RIN3: variants seen among roughly 807,000 people sequenced by gnomAD.
RIN3 encodes the protein RAB5 interacting protein 3.
RIN3 carries 54 observed loss-of-function variants against 76.3 expected under a neutral mutation model. That is an observed-to-expected ratio of 0.71 (90% confidence interval 0.57 to 0.89). RIN3 has a LOEUF of 0.89. Among genes scored for constraint, RIN3 ranks in the 40% least tolerant of loss-of-function variants. The pLI, the probability that RIN3 is intolerant of heterozygous loss-of-function variation, is 0.00. For synonymous variants in RIN3, 576 were observed against 564.0 expected (o/e 1.02, Z -0.30); for missense variants, 1,256 against 1,322.1 (o/e 0.95, Z 0.78).
At chr14:92,601,820 G>C (rs1885355874) in intron 3 of RIN3, among the ~76,000 whole-genome samples, 2 of 152,112 alleles carry the variant, frequency 1.3e-5, no homozygotes. Context: ...CCTGACACTT[G>C]GCAATTTGCA....
intron 3 of RIN3, among the ~76,000 whole-genome samples, chr14:92,600,710 C>T: frequency 6.6e-6 from 1 of 152,350 alleles, no homozygotes; most frequent in Non-Finnish European, 1.5e-5. Context: ...TGCCGGTTCA[C>T]TCAAGGAGCA....
chr14:92,587,937 C>T (rs943300050), intron 3 of RIN3, among the ~76,000 whole-genome samples: 1 of 152,166 alleles, frequency 6.6e-6, no homozygotes, highest in South Asian at 2.1e-4. Context: ...AGCAGGTTCT[C>T]TTGTCTAGTG....
At chr14:92,608,387 TTAAA>T (rs1267347482) in intron 3 of RIN3, among the ~76,000 whole-genome samples, 3 of 152,234 alleles carry the variant, frequency 2.0e-5, no homozygotes, top group East Asian at 1.9e-4. Context: ...ATTAATGCAA[TTAAA>T]TAAATATTTG....
At chr14:92,580,178 G>T (rs1898391550) in intron 3 of RIN3, among the ~76,000 whole-genome samples, 1 of 152,222 alleles carries the variant, frequency 6.6e-6, no homozygotes, top group African/African-American at 2.4e-5. Flanking sequence ...AGATTGACCT[G>T]GCCAACATGG....
At chr14:92,613,954 C>T (rs540737799) in intron 3 of RIN3, among the ~76,000 whole-genome samples, 2 of 152,280 alleles carry the variant, frequency 1.3e-5, no homozygotes, top group East Asian at 3.9e-4. Flanking sequence ...GGGGCAGGTG[C>T]CTGTGGGGCA....
At chr14:92,687,592 A>C in intron 9 of RIN3, 1 of 363,748 alleles carries the variant, frequency 2.7e-6, no homozygotes, top group East Asian at 6.6e-5. Flanking sequence ...CAGGGAACTC[A>C]CCTGGAGGGA....
chr14:92,573,611 A>G (rs955187283), intron 2 of RIN3, among the ~76,000 whole-genome samples: 1 of 152,218 alleles, frequency 6.6e-6, no homozygotes, highest in Admixed American at 6.5e-5. Context: ...GGTAAGATCA[A>G]AAGGGGCTCA....
intron 2 of RIN3, among the ~76,000 whole-genome samples, chr14:92,572,522 G>A (rs1382855451): frequency 6.6e-6 from 1 of 152,164 alleles, no homozygotes; most frequent in South Asian, 2.1e-4. Flanking sequence ...GTTAATAACC[G>A]CCTGCCCATC....
intron 2 of RIN3, among the ~76,000 whole-genome samples, chr14:92,573,873 G>A (rs1432654150): frequency 6.6e-6 from 1 of 152,176 alleles, no homozygotes; most frequent in Admixed American, 6.5e-5. Flanking sequence ...TTCAATTTCA[G>A]GTGAATGCAC....
chr14:92,631,851 A>G (rs1462324951), intron 4 of RIN3, among the ~76,000 whole-genome samples: 1 of 152,002 alleles, frequency 6.6e-6, no homozygotes, highest in Admixed American at 6.6e-5. Context: ...TGTTCTGCCC[A>G]CCTCAGCCTC....
intron 8 of RIN3, 81 bp from the exon 9 acceptor site, chr14:92,684,906 G>GGTGGGCGGGGCTTGGAGGAA: frequency 2.8e-6 from 4 of 1,453,012 alleles, no homozygotes; most frequent in Admixed American, 1.8e-5. Context: ...GCTTGGAGGA[G>GGTGGGCGGGGCTTGGAGGAA]GTGGGTGGGG....
intron 7 of RIN3, among the ~76,000 whole-genome samples, chr14:92,672,094 G>A (rs1802440258): frequency 6.6e-6 from 1 of 152,174 alleles, no homozygotes; most frequent in South Asian, 2.1e-4. Context: ...AAAGTCAGGA[G>A]TGCTGTTACT....
chr14:92,584,789 T>C (rs923743461), intron 3 of RIN3, among the ~76,000 whole-genome samples: 1 of 152,196 alleles, frequency 6.6e-6, no homozygotes, highest in Non-Finnish European at 1.5e-5. Context: ...TGATGGGCTT[T>C]GAAGATGGTG....
intron 7 of RIN3, among the ~76,000 whole-genome samples, chr14:92,660,826 G>A (rs1290363773): frequency 6.6e-6 from 1 of 152,214 alleles, no homozygotes; most frequent in African/African-American, 2.4e-5. Flanking sequence ...GACAAGAACA[G>A]GCATCACTGC....
intron 1 of RIN3, among the ~76,000 whole-genome samples, chr14:92,539,574 G>A (rs940986794): frequency 2.0e-5 from 3 of 152,164 alleles, no homozygotes; most frequent in Non-Finnish European, 4.4e-5. Flanking sequence ...ATGCAGTACC[G>A]GGGACAGGAT....
intron 1 of RIN3, among the ~76,000 whole-genome samples, chr14:92,552,738 T>C (rs1006715892): frequency 6.6e-6 from 1 of 152,024 alleles, no homozygotes; most frequent in Non-Finnish European, 1.5e-5. Flanking sequence ...TTTGGAACTG[T>C]CCCCCATCCC....
intron 2 of RIN3, chr14:92,576,124 C>A: frequency 1.2e-6 from 1 of 862,092 alleles, no homozygotes; most frequent in Non-Finnish European, 1.6e-6. Flanking sequence ...TGGAGGGATG[C>A]CCCCTCCCCC....
intron 4 of RIN3, among the ~76,000 whole-genome samples, chr14:92,635,661 G>A (rs1316216956): frequency 6.6e-6 from 1 of 152,098 alleles, no homozygotes; most frequent in Non-Finnish European, 1.5e-5. Context: ...AGACCAGCCT[G>A]GCCAACATAG....
chr14:92,561,338 G>A (rs2140041784), intron 2 of RIN3, among the ~76,000 whole-genome samples: 1 of 141,008 alleles, frequency 7.1e-6, no homozygotes, highest in South Asian at 2.4e-4. Flanking sequence ...GTATGACCTT[G>A]ACCACATCTC....
Sources: gnomAD v4.1 joint callset for allele counts (sites outside exome capture counted in the v4.1 genomes callset) on GRCh38, gnomAD v4.1.1 for gene constraint, MANE v1.5 for transcripts, NCBI Gene and HGNC (gene_info 2026-07-23, HGNC 2026-07-21) for gene names.